The following CLPTM1 variants were observed in gnomAD, a reference collection of about 807,000 sequenced individuals.
The protein encoded by CLPTM1 is CLPTM1 regulator of GABA type A receptor forward trafficking, also known as putative lipid scramblase CLPTM1.
In CLPTM1, 21 loss-of-function variants were observed where a neutral mutation model predicts 77.3. That is an observed-to-expected ratio of 0.27 (90% CI 0.19 to 0.39). The LOEUF is 0.39. CLPTM1 is among the 10% of genes least tolerant of loss of function. The pLI is 1.00. For synonymous variants in CLPTM1, 373 were observed against 381.0 expected (o/e 0.98, Z 0.24); for missense variants, 642 against 921.2 (o/e 0.70, Z 3.92).
At chr19:44,976,220 C>T (rs948700172) in intron 4 of CLPTM1, among the ~76,000 whole-genome samples, 6 of 152,018 alleles carry the variant, frequency 3.9e-5, no homozygotes, top group African/African-American at 1.4e-4. Context: ...CCAGGCCTTG[C>T]CACGAGATCC....
At chr19:44,983,636 AAAAAAAAAAG>A (rs1970933033) in intron 5 of CLPTM1, among the ~76,000 whole-genome samples, 3 of 148,042 alleles carry the variant, frequency 2.0e-5, no homozygotes, top group Non-Finnish European at 4.5e-5. Context: ...AAAAAAAAAA[AAAAAAAAAAG>A]AAAAGAAAAA....
chr19:44,977,213 C>T, intron 4 of CLPTM1, 130 bp from the exon 5 acceptor site: 3 of 729,948 alleles, frequency 4.1e-6, no homozygotes, highest in Non-Finnish European at 7.3e-6. Context: ...CATGCCCCAC[C>T]CTGAGTACTC....
intron 6 of CLPTM1, 113 bp from the exon 7 acceptor site, chr19:44,986,342 A>T: frequency 7.2e-7 from 1 of 1,395,882 alleles, no homozygotes; most frequent in Admixed American, 2.2e-5. Flanking sequence ...CAGAAAAAAA[A>T]GAAAGCAAAG....
At chr19:44,966,278 G>T (rs1970626657) in intron 2 of CLPTM1, among the ~76,000 whole-genome samples, 1 of 152,098 alleles carries the variant, frequency 6.6e-6, no homozygotes. Context: ...GGGCATGGTG[G>T]CAGGCGCCTA....
intron 5 of CLPTM1, chr19:44,984,320 G>A (rs986783849): frequency 6.6e-6 from 1 of 152,346 alleles, no homozygotes; most frequent in African/African-American, 2.4e-5. Context: ...ACTGGTTGCA[G>A]GGACAGACAG....
intron 2 of CLPTM1, among the ~76,000 whole-genome samples, chr19:44,967,917 A>G (rs968360386): frequency 1.3e-5 from 2 of 152,124 alleles, no homozygotes; most frequent in African/African-American, 2.4e-5. Flanking sequence ...ATGGCCACGT[A>G]AAGACTTCAG....
chr19:44,975,440 G>A (rs1970791209), intron 4 of CLPTM1, among the ~76,000 whole-genome samples: 1 of 152,236 alleles, frequency 6.6e-6, no homozygotes, highest in Non-Finnish European at 1.5e-5. Context: ...GTCCAAGACA[G>A]CTGCCCTCAT....
upstream of CLPTM1, chr19:44,955,358 C>A: frequency 8.3e-6 from 4 of 480,070 alleles, no homozygotes; most frequent in Non-Finnish European, 2.7e-6. Context: ...GGGGACGGGG[C>A]GGGGCTGGCG....
At chr19:44,987,145 G>C (rs374073636) in intron 7 of CLPTM1, 34 bp from the exon 8 acceptor site, 5 of 1,588,636 alleles carry the variant, frequency 3.1e-6, no homozygotes, top group African/African-American at 1.3e-5. Context: ...CCTCCTGCCC[G>C]GGCCAAATGG....
intron 2 of CLPTM1, among the ~76,000 whole-genome samples, chr19:44,966,427 A>G (rs182933603): frequency 7.1e-6 from 1 of 140,480 alleles, no homozygotes; most frequent in East Asian, 2.1e-4. Flanking sequence ...AAAAAAGTGT[A>G]ATGTGTTGGT....
In CLPTM1 at chr19:44,986,484, G is replaced by A; in HGVS notation, c.702G>A (p.Val234=). 1.2e-6 allele frequency: 2 copies of A among 1,614,130 alleles called. No individual in the cohort carries two copies. The highest frequency in any genetic ancestry group is 1.7e-6 in the Non-Finnish European group (2 of 1,180,016). Residue 234 remains valine (V), a synonymous_variant, in exon 7 of 14, where the codon GTG becomes GTA. Transcript: ENST00000337392. ...CTGAGGACTATGGGCCTGTGGAGGT[G>A]ATCTCCCATTGGCACCCCAACATCA... ...KRAEDYGPVE[V]ISHWHPNITI...
At position 44,964,955 on chromosome 19, in the gene CLPTM1, C is replaced by T. The variant is rs570561393; in HGVS notation, c.185+2880C>T. On this transcript the variant is annotated intron_variant, in intron 2 of 13. Transcript: ENST00000337392. ...TTCAAAGCCCAGCTTCTGTTTGAGG[C>T]CCTGGGGAGATGCTGGGTGGTGGCG... Among the ~76,000 whole-genome samples, 14 of 152,234 alleles carry T rather than the reference C, an allele frequency of 9.2e-5. No homozygotes were observed. In the South Asian group the frequency reaches 2.9e-3, roughly 32 times the overall value.
intron 5 of CLPTM1, among the ~76,000 whole-genome samples, chr19:44,978,981 CT>C (rs35634071): frequency 0.37 from 48,741 of 131,978 alleles, 8,616 homozygotes; most frequent in Middle Eastern, 0.51. Context: ...TTGCCTGGCT[CT>C]TTTTTTTTTT....
chr19:44,989,137 T>C (rs1413646335), intron 9 of CLPTM1, among the ~76,000 whole-genome samples: 1 of 152,028 alleles, frequency 6.6e-6, no homozygotes, highest in Non-Finnish European at 1.5e-5. Flanking sequence ...CTGAACTCCA[T>C]CCTAGGCAAC....
chr19:44,982,240 TC>T (rs1970908079), intron 5 of CLPTM1, among the ~76,000 whole-genome samples: 1 of 151,770 alleles, frequency 6.6e-6, no homozygotes, highest in Non-Finnish European at 1.5e-5. Context: ...TTCCGTCTAC[TC>T]GGGAGGCTGA....
At chr19:44,957,920 C>T (rs759052982) in intron 1 of CLPTM1, among the ~76,000 whole-genome samples, 1 of 152,162 alleles carries the variant, frequency 6.6e-6, no homozygotes, top group South Asian at 2.1e-4. Flanking sequence ...CTTGAAGGCC[C>T]TTACACTTAT....
rs374332775 is a variant in CLPTM1, at chr19:44,977,468, G to A, written c.586+8G>A. On this transcript the variant is annotated splice_region_variant and intron_variant, in intron 5 of 13. Coordinates refer to ENST00000337392, the MANE Select transcript of CLPTM1 (RefSeq NM_001294.4). ...CAGTCCACATGTCCCGGAGTAAGTC[G>A]CTCCCCTGCAGCCAGGACCCACTGT... 7 of 1,590,790 alleles carry A rather than the reference G, an allele frequency of 4.4e-6. No homozygotes were observed. Among genetic ancestry groups the A allele is most frequent in the South Asian group, 2.2e-5 (2 of 90,748 alleles).
intron 9 of CLPTM1, among the ~76,000 whole-genome samples, chr19:44,989,732 C>A (rs1971039309): frequency 6.6e-6 from 1 of 152,236 alleles, no homozygotes; most frequent in South Asian, 2.1e-4. Flanking sequence ...CCTGTGGCTG[C>A]GGTTAGATGC....
chr19:44,971,867 C>CTTTTT lies in CLPTM1; in HGVS notation c.186-1202_186-1198dup, dbSNP rs10693027. On this transcript the variant is annotated intron_variant, in intron 2 of 13. Transcript: ENST00000337392. ...AGCTGCTACACCTGACCCAATTATA[C>CTTTTT]TTTTTTTTTTTTTTTTTTTTTTGAG... is the stretch of plus-strand genomic sequence containing the variant. Among the ~76,000 whole-genome samples the CTTTTT allele has an allele frequency of 8.5e-4, 71 of 83,268 alleles. 3 individuals carry two copies. The highest frequency in any genetic ancestry group is 1.0e-3 in the East Asian group (3 of 2,864). 54.6% of individuals were successfully genotyped at this position (83,268 alleles called of 152,430 possible). A position where few individuals can be genotyped will look rare whatever the true frequency, so the allele number is the denominator to read the frequency against.
Sources: gnomAD v4.1 joint callset for allele counts (sites outside exome capture counted in the v4.1 genomes callset) on GRCh38, gnomAD v4.1.1 for gene constraint, MANE v1.5 for transcripts, NCBI Gene and HGNC (gene_info 2026-07-23, HGNC 2026-07-21) for gene names.